UNC13C: variants seen among roughly 807,000 people sequenced by gnomAD.
UNC13C encodes the protein protein unc-13 homolog C.
Under a neutral mutation model 245.4 loss-of-function variants are expected in UNC13C, and 174 were observed. The observed-to-expected ratio is 0.71, with a 90% CI of 0.63 to 0.80. UNC13C has a LOEUF of 0.80. UNC13C is among the 30% of genes least tolerant of loss of function. The pLI, the probability that UNC13C is intolerant of heterozygous loss-of-function variation, is 0.00. For synonymous variants in UNC13C, 992 were observed against 895.1 expected (o/e 1.11, Z -1.93); for missense variants, 2,829 against 2,602.9 (o/e 1.09, Z -1.89).
At chr15:54,323,123 A>G (rs1567186718) in intron 14 of UNC13C, among the ~76,000 whole-genome samples, 3 of 151,756 alleles carry the variant, frequency 2.0e-5, no homozygotes, top group South Asian at 2.1e-4. Context: ...TTTTTGTTAC[A>G]GAGTATATTG....
the UNC13C span, among the ~76,000 whole-genome samples, chr15:53,890,059 T>G: frequency 6.6e-6 from 1 of 152,204 alleles, no homozygotes; most frequent in East Asian, 1.9e-4. Flanking sequence ...AGGATGATGC[T>G]GACTTCATAA....
chr15:54,463,346 C>T (rs1891984363), intron 19 of UNC13C, among the ~76,000 whole-genome samples: 1 of 145,174 alleles, frequency 6.9e-6, no homozygotes, highest in African/African-American at 2.6e-5. Context: ...CTGGGGTCCC[C>T]TTCCACACTG....
chr15:54,557,641 A>G (rs1458618463), intron 29 of UNC13C, among the ~76,000 whole-genome samples: 1 of 151,810 alleles, frequency 6.6e-6, no homozygotes, highest in East Asian at 2.0e-4. Flanking sequence ...ACCTTAGACC[A>G]AAGGAGCAGA....
chr15:54,154,237 T>C (rs1050890046), intron 4 of UNC13C, among the ~76,000 whole-genome samples: 13 of 151,994 alleles, frequency 8.6e-5, no homozygotes, highest in Admixed American at 3.9e-4. Context: ...CTACTTTCTA[T>C]TGGTATTTTG....
chr15:54,147,664 A>G (rs4600422), intron 4 of UNC13C, among the ~76,000 whole-genome samples: 140,895 of 152,134 alleles, frequency 0.93, 66,121 homozygotes, highest in Non-Finnish European at 1. Context: ...GACATTTGTA[A>G]TTAGAACTCC....
chr15:54,507,717 G>A (rs1894535213), intron 23 of UNC13C, among the ~76,000 whole-genome samples: 1 of 151,816 alleles, frequency 6.6e-6, no homozygotes, highest in Admixed American at 6.6e-5. Context: ...AAGGCATAAA[G>A]AAAAGCTAGA....
At chr15:54,011,593 T>G (rs1895383778) in intron 1 of UNC13C, among the ~76,000 whole-genome samples, 1 of 152,246 alleles carries the variant, frequency 6.6e-6, no homozygotes, top group Non-Finnish European at 1.5e-5. Context: ...GTAAATTTCT[T>G]GACATTTTTA....
chr15:53,884,231 G>T, the UNC13C span, among the ~76,000 whole-genome samples: 3 of 152,306 alleles, frequency 2.0e-5, no homozygotes, highest in East Asian at 5.8e-4. Context: ...GACCTGTCCA[G>T]GTCATATGAT....
intron 27 of UNC13C, among the ~76,000 whole-genome samples, chr15:54,548,208 CT>C (rs60975842): frequency 0.011 from 707 of 61,610 alleles, 1 homozygote; most frequent in South Asian, 0.017. Context: ...GTTTCTTTTG[CT>C]TTTTTTTTTT....
rs113943995 is a variant in UNC13C, at chr15:54,365,776, C to A, written c.4714-27272C>A. 1.2e-4 allele frequency among the ~76,000 whole-genome samples: 16 copies of A among 136,844 alleles called. No individual in the cohort carries two copies. The East Asian group carries it at 1.8e-3, about 16-fold the overall frequency. 89.8% of individuals were successfully genotyped at this position (136,844 alleles called of 152,430 possible). ...AAAGAAAAAAAGAAAAAAAAAAAAA[C>A]TTGACCCAAGAGACAGTCCCACTTT... On this transcript the variant is annotated intron_variant, in intron 17 of 32. Coordinates refer to ENST00000260323, the MANE Select transcript of UNC13C (RefSeq NM_001080534.3).
chr15:54,113,229 G>A (rs1201610611), intron 2 of UNC13C, among the ~76,000 whole-genome samples: 1 of 152,122 alleles, frequency 6.6e-6, no homozygotes, highest in Non-Finnish European at 1.5e-5. Context: ...AGAAAAGGAG[G>A]GAGGGAAGGA....
chr15:54,105,057 A>G (rs1271738123), intron 2 of UNC13C, among the ~76,000 whole-genome samples: 1 of 152,008 alleles, frequency 6.6e-6, no homozygotes, highest in African/African-American at 2.4e-5. Flanking sequence ...CCTGAGGGAT[A>G]TACACCTGCT....
chr15:54,611,090 A>T (rs1900068380), intron 30 of UNC13C, among the ~76,000 whole-genome samples: 1 of 152,182 alleles, frequency 6.6e-6, no homozygotes, highest in Non-Finnish European at 1.5e-5. Flanking sequence ...GTATGGGGAG[A>T]ATACAGTAGC....
chr15:53,947,385 TAGAA>T, the UNC13C span, among the ~76,000 whole-genome samples: 8 of 152,308 alleles, frequency 5.3e-5, no homozygotes, highest in South Asian at 1.0e-3. Flanking sequence ...ACAAATGAAA[TAGAA>T]AGCTGATTTA....
At chr15:54,552,623 A>G (rs1467759844) in intron 28 of UNC13C, among the ~76,000 whole-genome samples, 1 of 72,420 alleles carries the variant, frequency 1.4e-5, no homozygotes, top group Admixed American at 2.5e-4. Context: ...TAATTATATT[A>G]TATATTGTAC....
At chr15:54,330,338 G>A (rs1273053833) in intron 14 of UNC13C, among the ~76,000 whole-genome samples, 1 of 151,988 alleles carries the variant, frequency 6.6e-6, no homozygotes, top group Admixed American at 6.6e-5. Context: ...CCAAAACCAT[G>A]GCATGTGGTC....
intron 19 of UNC13C, among the ~76,000 whole-genome samples, chr15:54,458,680 C>CTTTTTT (rs79291504): frequency 0.029 from 1,927 of 65,924 alleles, 261 homozygotes; most frequent in African/African-American, 0.054. Flanking sequence ...CCTTTAAGGT[C>CTTTTTT]TTTTTTTTTT....
the UNC13C span, among the ~76,000 whole-genome samples, chr15:53,892,207 G>A: frequency 4.6e-5 from 7 of 152,124 alleles, no homozygotes; most frequent in Non-Finnish European, 7.4e-5. Flanking sequence ...ATTGGCCCCC[G>A]CTCTCCTCTG....
At chr15:54,494,137 T>G (rs900858067) in intron 19 of UNC13C, among the ~76,000 whole-genome samples, 31 of 152,136 alleles carry the variant, frequency 2.0e-4, no homozygotes, top group African/African-American at 6.5e-4. Flanking sequence ...AGCTCCTGAC[T>G]CATGTTTTAT....
Sources: gnomAD v4.1 joint callset for allele counts (sites outside exome capture counted in the v4.1 genomes callset) on GRCh38, gnomAD v4.1.1 for gene constraint, MANE v1.5 for transcripts, NCBI Gene and HGNC (gene_info 2026-07-23, HGNC 2026-07-21) for gene names.